The following MAP3K20 variants were observed in gnomAD, a reference collection of about 807,000 sequenced individuals.
MAP3K20 encodes mitogen-activated protein kinase kinase kinase 20.
A neutral mutation model predicts 85.7 loss-of-function variants in MAP3K20; 40 were observed. The observed-to-expected ratio is 0.47, with a 90% CI of 0.36 to 0.61. The LOEUF is 0.61. MAP3K20 is among the 20% of genes least tolerant of loss of function. MAP3K20 has a pLI of 0.00. For synonymous variants in MAP3K20, 325 were observed against 327.7 expected (o/e 0.99, Z 0.09); for missense variants, 817 against 961.7 (o/e 0.85, Z 1.99).
Position 173,136,629 on chromosome 2 carries a change from C to T in MAP3K20, c.160-33176C>T, listed in dbSNP as rs893484749. Among the ~76,000 whole-genome samples, 9 of 152,190 alleles carry T rather than the reference C, an allele frequency of 5.9e-5. No individual in the cohort carries two copies. In the South Asian group the frequency reaches 8.3e-4, roughly 14 times the overall value. ...TAAATAATGTGCTCTCCGGCTTCAC[C>T]TCTCATCCTGAGGAACATGAAAGAG... On this transcript the variant is annotated intron_variant, in intron 2 of 19. Coordinates refer to ENST00000375213, the MANE Select transcript of MAP3K20 (RefSeq NM_016653.3).
chr2:173,238,882 T>C lies in MAP3K20; in HGVS notation c.1266+447T>C, dbSNP rs575520799. On this transcript the variant is annotated intron_variant, in intron 15 of 19. Transcript: ENST00000375213. Reference sequence around the variant, plus strand: ...TAGTTTAAAGGAATATGGCATACTTTGTTTAAAATCAGCAAATACTTGCAA... The same window carrying C: ...TAGTTTAAAGGAATATGGCATACTTCGTTTAAAATCAGCAAATACTTGCAA... Among the ~76,000 whole-genome samples the C allele has an allele frequency of 2.0e-5, 3 of 152,372 alleles. No homozygotes were observed. The East Asian group carries it at 5.8e-4, about 29-fold the overall frequency.
chr2:173,123,829 A>G (rs528973878), intron 2 of MAP3K20, among the ~76,000 whole-genome samples: 46 of 152,272 alleles, frequency 3.0e-4, no homozygotes, highest in African/African-American at 1.0e-3. Context: ...AGGAAATAAA[A>G]TATTTTTTTA....
intron 2 of MAP3K20, among the ~76,000 whole-genome samples, chr2:173,107,725 C>T (rs552063909): frequency 6.6e-6 from 1 of 152,216 alleles, no homozygotes; most frequent in African/African-American, 2.4e-5. Flanking sequence ...TGCACCAAGC[C>T]TTAGTTTCCT....
intron 2 of MAP3K20, among the ~76,000 whole-genome samples, chr2:173,122,474 C>T (rs1688322645): frequency 6.6e-6 from 1 of 152,150 alleles, no homozygotes; most frequent in African/African-American, 2.4e-5. Context: ...TGGCAGCAGG[C>T]CTCTTTGGTG....
chr2:173,266,528 G>T lies in MAP3K20; in HGVS notation c.2181G>T (p.Ser727=), dbSNP rs761899372. 2.5e-6 allele frequency: 4 copies of T among 1,613,724 alleles called. No individual in the cohort carries two copies. Among genetic ancestry groups the T allele is most frequent in the Non-Finnish European group, 3.4e-6 (4 of 1,179,952 alleles). ...VSQSALNPHQ[S]PDFKRSPRDL... is the part of the protein sequence containing the mutation. ...AGTCAGCACTCAATCCTCACCAGTC[G>T]CCTGACTTCAAGAGAAGCCCCAGGG... Residue 727 remains serine (S), a synonymous_variant, in exon 20 of 20, where the codon TCG becomes TCT. Transcript: ENST00000375213.
chr2:173,224,189 A>T, intron 11 of MAP3K20: 2 of 944,874 alleles, frequency 2.1e-6, no homozygotes, highest in Non-Finnish European at 2.5e-6. Context: ...TGAGGTTTTT[A>T]AAGTGTGGTC....
At chr2:173,260,689 C>A (rs1685272070) in intron 17 of MAP3K20, among the ~76,000 whole-genome samples, 1 of 152,204 alleles carries the variant, frequency 6.6e-6, no homozygotes, top group Non-Finnish European at 1.5e-5. Context: ...AAGGAAAGCA[C>A]TTCTGGGTCT....
chr2:173,263,767 G>T lies in MAP3K20; in HGVS notation c.1574G>T (p.Ser525Ile). The change falls in exon 19 of 20, where the codon AGC becomes ATC. Residue 525 changes from serine (S) to isoleucine (I), a missense_variant. Physicochemically the swap from Ser to Ile is moderately radical, Grantham distance 142 (BLOSUM62 -2). This residue lies in a region of MAP3K20 where 454 missense variants were observed against 476.9 expected (regional missense o/e 0.95). Coordinates refer to ENST00000375213, the MANE Select transcript of MAP3K20 (RefSeq NM_016653.3). ...TYESDVRTPK[S>I]TKHVHSIQWS... ...CAGAGTGATGTTAGAACTCCAAAAA[G>T]CACTAAACATGTCCATTCGATTCAG... is the stretch of plus-strand genomic sequence containing the variant. The T allele has an allele frequency of 8.1e-6, 13 of 1,609,010 alleles. No homozygotes were observed. The highest frequency in any genetic ancestry group is 1.1e-5 in the Non-Finnish European group (13 of 1,178,726).
In MAP3K20 at chr2:173,225,749, G is replaced by A. The variant is rs188288732; in HGVS notation, c.988-3940G>A. 4.2e-5 allele frequency: 41 copies of A among 984,650 alleles called. No homozygotes were observed. The East Asian group carries it at 2.4e-3, about 57-fold the overall frequency. The allele number at this position is 984,650 out of a possible 1,614,324, so 61.0% of individuals were successfully genotyped here. ...AAACAAAATGTATTTTTAGAATTAC[G>A]GCAGCATACGACCTGAATTTTGTGA... On this transcript the variant is annotated intron_variant, in intron 11 of 19. Transcript: ENST00000375213.
chr2:173,161,948 T>A (rs1689671678), intron 2 of MAP3K20, among the ~76,000 whole-genome samples: 1 of 152,210 alleles, frequency 6.6e-6, no homozygotes, highest in African/African-American at 2.4e-5. Flanking sequence ...CTAGGGAGAA[T>A]CTTTCCATGC....
chr2:173,217,087 G>A (rs1684094707), intron 10 of MAP3K20, 28 bp from the exon 11 acceptor site: 3 of 1,460,556 alleles, frequency 2.1e-6, no homozygotes, highest in Admixed American at 4.5e-5. Flanking sequence ...AAGTAAAGTT[G>A]AGACTTACAC....
chr2:173,249,591 A>G (rs187181915), intron 16 of MAP3K20, among the ~76,000 whole-genome samples: 14 of 152,310 alleles, frequency 9.2e-5, no homozygotes, highest in African/African-American at 3.4e-4. Flanking sequence ...AGGATCCTGG[A>G]TAAAACTTTA....
chr2:173,076,842 C>T (rs912830268), intron 1 of MAP3K20, among the ~76,000 whole-genome samples: 5 of 152,224 alleles, frequency 3.3e-5, no homozygotes, highest in African/African-American at 1.2e-4. Flanking sequence ...CCCAGGCCGT[C>T]GCCTCGTCTG....
At chr2:173,255,614 C>T (rs547428062) in intron 16 of MAP3K20, among the ~76,000 whole-genome samples, 5 of 152,340 alleles carry the variant, frequency 3.3e-5, no homozygotes, top group African/African-American at 1.2e-4. Flanking sequence ...CTTCTTCACA[C>T]AGAGCCGTTC....
At chr2:173,256,120 G>A (rs558260737) in intron 16 of MAP3K20, among the ~76,000 whole-genome samples, 128 of 152,326 alleles carry the variant, frequency 8.4e-4, no homozygotes, top group Non-Finnish European at 1.7e-3. Context: ...CTTGGCTTGC[G>A]ATTCATCTAG....
intron 2 of MAP3K20, among the ~76,000 whole-genome samples, chr2:173,164,872 T>C (rs1212482285): frequency 6.6e-6 from 1 of 152,236 alleles, no homozygotes. Flanking sequence ...CCCTGTAAAC[T>C]TATAGAAATG....
chr2:173,177,486 C>A (rs974263214), intron 3 of MAP3K20, among the ~76,000 whole-genome samples: 3 of 134,198 alleles, frequency 2.2e-5, no homozygotes, highest in Non-Finnish European at 4.7e-5. Flanking sequence ...ATTCTGTCAC[C>A]CAGGCTGGAG....
rs543220124 is a variant in MAP3K20 at position 173,162,665 on chromosome 2, G to A, written c.160-7140G>A. Among the ~76,000 whole-genome samples, 100 of 140,850 alleles carry A rather than the reference G, an allele frequency of 7.1e-4. No homozygotes were observed. The South Asian group carries it at 8.5e-3, about 12-fold the overall frequency. 92.4% of individuals were successfully genotyped at this position (140,850 alleles called of 152,430 possible). A position where few individuals can be genotyped will look rare whatever the true frequency, so the allele number is the denominator to read the frequency against. ...TGCGCCATTGCACTCCAGCCTGGGC[G>A]ACAAGAATGAAACTCCGTCTCCAAA... On this transcript the variant is annotated intron_variant, in intron 2 of 19. Coordinates refer to ENST00000375213, the MANE Select transcript of MAP3K20 (RefSeq NM_016653.3).
chr2:173,246,682 C>T (rs566550531), intron 16 of MAP3K20, among the ~76,000 whole-genome samples: 4 of 152,210 alleles, frequency 2.6e-5, no homozygotes, highest in Admixed American at 6.5e-5. Context: ...AATGCTCAAC[C>T]GCCACAGACT....
Sources: allele counts gnomAD v4.1 joint callset (sites outside exome capture counted in the v4.1 genomes callset), GRCh38; gene constraint gnomAD v4.1.1; regional missense constraint gnomAD v4.1.1; transcripts MANE v1.5; gene names NCBI Gene and HGNC (gene_info 2026-07-23, HGNC 2026-07-21).